The following ASPH variants were observed in gnomAD, a reference collection of about 807,000 sequenced individuals.
ASPH encodes the protein aspartyl/asparaginyl beta-hydroxylase.
In ASPH, 100 loss-of-function variants were observed where a neutral mutation model predicts 118.4. The ratio of observed to expected loss-of-function variants is 0.84; its 90% CI spans 0.72 to 1.00. ASPH has a LOEUF of 1.00. Among genes scored for constraint, ASPH ranks in the 50% least tolerant of loss-of-function variants. The pLI, the probability that ASPH is intolerant of heterozygous loss-of-function variation, is 0.00. For synonymous variants in ASPH, 315 were observed against 325.6 expected (o/e 0.97, Z 0.35); for missense variants, 920 against 919.5 (o/e 1.00, Z -0.01).
intron 24 of ASPH, among the ~76,000 whole-genome samples, chr8:61,510,974 G>T (rs1438527204): frequency 6.6e-6 from 1 of 152,126 alleles, no homozygotes. Flanking sequence ...GGCTCTAAAT[G>T]ATTTGGTAAA....
At chr8:61,649,153 T>C (rs970999499) in intron 5 of ASPH, among the ~76,000 whole-genome samples, 3 of 152,146 alleles carry the variant, frequency 2.0e-5, no homozygotes, top group Non-Finnish European at 4.4e-5. Flanking sequence ...GCAACAGTCA[T>C]GGCAAGAAGC....
chr8:61,599,614 G>A (rs903140612), intron 14 of ASPH, among the ~76,000 whole-genome samples: 2 of 151,464 alleles, frequency 1.3e-5, no homozygotes, highest in Admixed American at 6.6e-5. Context: ...ACAGAACTAC[G>A]AAGGATCATC....
At chr8:61,519,149 T>C (rs1215334052) in intron 22 of ASPH, among the ~76,000 whole-genome samples, 1 of 152,212 alleles carries the variant, frequency 6.6e-6, no homozygotes, top group Non-Finnish European at 1.5e-5. Context: ...TTGTTTACAT[T>C]TCTCTTGACT....
chr8:61,664,712 G>A, intron 3 of ASPH: 1 of 986,084 alleles, frequency 1.0e-6, no homozygotes, highest in Non-Finnish European at 1.2e-6. Context: ...AAAGCCTGAG[G>A]AACGGCCCCC....
intron 24 of ASPH, among the ~76,000 whole-genome samples, chr8:61,512,830 T>C (rs929489467): frequency 6.6e-6 from 1 of 152,222 alleles, no homozygotes; most frequent in African/African-American, 2.4e-5. Context: ...TTATCATCAA[T>C]ACACATATAT....
chr8:61,703,759 T>C (rs1053832575), intron 1 of ASPH, among the ~76,000 whole-genome samples: 4 of 152,140 alleles, frequency 2.6e-5, no homozygotes, highest in Admixed American at 1.3e-4. Flanking sequence ...TCTGTGGAAG[T>C]TGACAAGGTG....
chr8:61,561,884 G>A (rs1393800871), intron 18 of ASPH, among the ~76,000 whole-genome samples: 10 of 152,160 alleles, frequency 6.6e-5, no homozygotes, highest in Non-Finnish European at 1.3e-4. Context: ...GCTATATCAT[G>A]TCATTACACT....
intron 15 of ASPH, chr8:61,579,459 A>C: frequency 6.2e-7 from 1 of 1,608,076 alleles, no homozygotes; most frequent in Admixed American, 1.7e-5. Flanking sequence ...TATTCATACG[A>C]AGACCACCAG....
At chr8:61,567,638 C>T (rs1477963791) in intron 16 of ASPH, among the ~76,000 whole-genome samples, 3 of 152,166 alleles carry the variant, frequency 2.0e-5, no homozygotes, top group Non-Finnish European at 4.4e-5. Flanking sequence ...CCCAAGTTCC[C>T]GTTCTTTCAT....
chr8:61,508,969 C>T (rs1254659481), intron 24 of ASPH, among the ~76,000 whole-genome samples: 1 of 152,214 alleles, frequency 6.6e-6, no homozygotes, highest in Non-Finnish European at 1.5e-5. Flanking sequence ...TGGGATGGCA[C>T]ACACTGTAAG....
chr8:61,663,787 A>G lies in ASPH; in HGVS notation c.323-10127T>C, dbSNP rs907632208. 5.1e-6 allele frequency: 5 copies of G among 977,902 alleles called. No homozygotes were observed. The South Asian group carries it at 1.4e-4, about 28-fold the overall frequency. 60.6% of individuals were successfully genotyped at this position (977,902 alleles called of 1,614,324 possible). ...TTCTCTAGGATTTCTTCTCTGTTGT[A>G]TAATTCTATTGAGTTGAAGTTTCTG... On this transcript the variant is annotated intron_variant, in intron 3 of 24. Transcript: ENST00000379454.
chr8:61,694,584 C>T (rs1833483194), intron 1 of ASPH, among the ~76,000 whole-genome samples: 1 of 152,206 alleles, frequency 6.6e-6, no homozygotes, highest in Admixed American at 6.5e-5. Flanking sequence ...TCTCTTCCCT[C>T]GACTCTCATG....
At chr8:61,670,262 T>A (rs1821765842) in intron 3 of ASPH, among the ~76,000 whole-genome samples, 1 of 150,812 alleles carries the variant, frequency 6.6e-6, no homozygotes, top group Non-Finnish European at 1.5e-5. Flanking sequence ...GAACTTAAAA[T>A]AAAATGAAAT....
chr8:61,695,491 T>C (rs552740083), intron 1 of ASPH, among the ~76,000 whole-genome samples: 5 of 152,254 alleles, frequency 3.3e-5, no homozygotes, highest in East Asian at 3.9e-4. Context: ...CCTTTTCCCA[T>C]GTCAAAGCTG....
chr8:61,534,315 G>A (rs1818678251), intron 21 of ASPH, among the ~76,000 whole-genome samples: 1 of 151,864 alleles, frequency 6.6e-6, no homozygotes, highest in Non-Finnish European at 1.5e-5. Context: ...TTTTCTCCTA[G>A]ACTAGTCAAA....
At chr8:61,544,164 G>A (rs969219189) in intron 21 of ASPH, among the ~76,000 whole-genome samples, 5 of 152,210 alleles carry the variant, frequency 3.3e-5, no homozygotes, top group African/African-American at 1.2e-4. Flanking sequence ...TGGAACTGGG[G>A]AAGAATGGTT....
At chr8:61,707,901 T>C (rs554963068) in intron 1 of ASPH, among the ~76,000 whole-genome samples, 126 of 152,334 alleles carry the variant, frequency 8.3e-4, no homozygotes, top group African/African-American at 2.9e-3. Flanking sequence ...CATAGGGATA[T>C]AGATATACTT....
chr8:61,665,396 G>A, intron 3 of ASPH: 1 of 1,612,672 alleles, frequency 6.2e-7, no homozygotes, highest in African/African-American at 1.3e-5. Context: ...ATTTTCCTTG[G>A]TTTTAGCACT....
intron 3 of ASPH, among the ~76,000 whole-genome samples, chr8:61,670,225 GAAAAA>G (rs767494475): frequency 6.9e-6 from 1 of 144,958 alleles, no homozygotes; most frequent in African/African-American, 2.5e-5. Context: ...AGAGAGTAAA[GAAAAA>G]AAAATTTTTT....
Sources: gnomAD v4.1 joint callset for allele counts (sites outside exome capture counted in the v4.1 genomes callset) on GRCh38, gnomAD v4.1.1 for gene constraint, MANE v1.5 for transcripts, NCBI Gene and HGNC (gene_info 2026-07-23, HGNC 2026-07-21) for gene names.